SFMBT2: variants seen among roughly 807,000 people sequenced by gnomAD.
SFMBT2 encodes scm-like with four MBT domains protein 2.
In SFMBT2, 38 loss-of-function variants were observed where a neutral mutation model predicts 110.1. The ratio of observed to expected loss-of-function variants is 0.35; its 90% CI spans 0.27 to 0.45. The LOEUF is 0.45. SFMBT2 is among the 20% of genes least tolerant of loss of function. The pLI, the probability that SFMBT2 is intolerant of heterozygous loss-of-function variation, is 1.00. For missense variants in SFMBT2, 1,011 were observed against 1,094.9 expected (o/e 0.92, Z 1.08); for synonymous variants, 425 against 425.4 (o/e 1.00, Z 0.01).
intron 4 of SFMBT2, among the ~76,000 whole-genome samples, chr10:7,326,357 C>A (rs756906661): frequency 6.6e-6 from 1 of 152,174 alleles, no homozygotes; most frequent in Non-Finnish European, 1.5e-5. Context: ...CTCTTCCAGG[C>A]GCTGAGGGAC....
intron 17 of SFMBT2, among the ~76,000 whole-genome samples, chr10:7,175,065 G>A (rs1327893356): frequency 6.6e-6 from 1 of 152,246 alleles, no homozygotes; most frequent in Non-Finnish European, 1.5e-5. Flanking sequence ...CACCCATGTT[G>A]ACAAACGTCA....
intron 3 of SFMBT2, chr10:7,368,470 G>A (rs570683726): frequency 9.7e-5 from 43 of 442,630 alleles, no homozygotes; most frequent in African/African-American, 8.1e-4. Flanking sequence ...AGTGGCCACT[G>A]CTGAAAGGAG....
chr10:7,358,645 C>T (rs1421460107), intron 4 of SFMBT2, among the ~76,000 whole-genome samples: 7 of 145,522 alleles, frequency 4.8e-5, no homozygotes. Context: ...TCAGCATGGC[C>T]CTGGGACATC....
chr10:7,190,428 A>C (rs1380363811), intron 15 of SFMBT2, among the ~76,000 whole-genome samples: 1 of 152,234 alleles, frequency 6.6e-6, no homozygotes, highest in African/African-American at 2.4e-5. Flanking sequence ...GTGACTGCGA[A>C]AAGAAAATGC....
chr10:7,370,300 G>T lies in SFMBT2; in HGVS notation c.176C>A (p.Pro59His). 1.2e-6 allele frequency: 2 copies of T among 1,613,982 alleles called. No homozygotes were observed. The highest frequency in any genetic ancestry group is 1.7e-6 in the Non-Finnish European group (2 of 1,179,882). ...ACATACGTGTTTGAATGATGTGTGG[G>T]GAGCAGCACTTGCTCCTGTCTCTTC... ...YLEETGASAA[P>H]HTSFKHVEIS... The change falls in exon 3 of 21, where the codon CCC becomes CAC. Residue 59 changes from proline to histidine, a missense_variant. Around this residue, in one of 2 missense-constraint regions of SFMBT2, gnomAD observed 979 missense variants for 1,016.1 expected, o/e 0.96. Coordinates refer to ENST00000397167, the MANE Select transcript of SFMBT2 (RefSeq NM_001387889.1).
intron 15 of SFMBT2, among the ~76,000 whole-genome samples, chr10:7,196,441 G>T (rs546438728): frequency 1.3e-5 from 2 of 152,276 alleles, no homozygotes; most frequent in East Asian, 3.9e-4. Context: ...CTCTGCCTAA[G>T]CCAGATGAAA....
At chr10:7,205,375 G>A in intron 12 of SFMBT2, 1 of 980,830 alleles carries the variant, frequency 1.0e-6, no homozygotes, top group Non-Finnish European at 1.2e-6. Flanking sequence ...ATAGGAATGA[G>A]GCACTGTGCC....
At chr10:7,182,486 G>T (rs1838272274) in intron 16 of SFMBT2, among the ~76,000 whole-genome samples, 1 of 152,088 alleles carries the variant, frequency 6.6e-6, no homozygotes, top group Admixed American at 6.6e-5. Context: ...AACAATGATA[G>T]ACTGGATTAA....
intron 9 of SFMBT2, among the ~76,000 whole-genome samples, chr10:7,229,456 G>A (rs1488515130): frequency 1.3e-5 from 2 of 151,736 alleles, no homozygotes; most frequent in Non-Finnish European, 2.9e-5. Context: ...GTGGGTGCTT[G>A]TAATCCCAGC....
At chr10:7,273,245 A>G (rs1382540098) in intron 7 of SFMBT2, among the ~76,000 whole-genome samples, 1 of 152,250 alleles carries the variant, frequency 6.6e-6, no homozygotes, top group Non-Finnish European at 1.5e-5. Flanking sequence ...TTTGCAACCT[A>G]CGGACACAAT....
intron 4 of SFMBT2, among the ~76,000 whole-genome samples, chr10:7,336,344 T>C (rs1318566058): frequency 6.6e-6 from 1 of 152,182 alleles, no homozygotes; most frequent in Non-Finnish European, 1.5e-5. Context: ...CTGGCTTGCC[T>C]AAGAAAATCA....
intron 2 of SFMBT2, among the ~76,000 whole-genome samples, chr10:7,375,019 A>G (rs1289001911): frequency 1.3e-5 from 2 of 152,220 alleles, no homozygotes; most frequent in Non-Finnish European, 2.9e-5. Flanking sequence ...TTTATCAAGG[A>G]AATTCTGACA....
chr10:7,200,912 G>T, intron 13 of SFMBT2: 1 of 742,956 alleles, frequency 1.3e-6, no homozygotes, highest in Non-Finnish European at 1.6e-6. Flanking sequence ...TCTGACCTCC[G>T]GGCCCGCGGG....
At position 7,354,099 on chromosome 10, in the gene SFMBT2, A is replaced by AAAAAT. The variant is rs1441630139; in HGVS notation, c.436+13549_436+13550insATTTT. ...GAGACTCCCTCTCCAAAAAAAAAAAAATATAAATAAAACAAAAAAATAAAT... is the reference window on the plus strand; with the variant it reads ...GAGACTCCCTCTCCAAAAAAAAAAAAAAAATATATAAATAAAACAAAAAAATAAAT... On this transcript the variant is annotated intron_variant, in intron 4 of 20. Coordinates refer to ENST00000397167, the MANE Select transcript of SFMBT2 (RefSeq NM_001387889.1). 2.2e-4 allele frequency among the ~76,000 whole-genome samples: 33 copies of AAAAAT among 151,336 alleles called. 1 individual carries two copies. The highest frequency in any genetic ancestry group is 7.8e-4 in the African/African-American group (32 of 41,242).
At chr10:7,395,861 G>A (rs969191116) in intron 1 of SFMBT2, among the ~76,000 whole-genome samples, 1 of 151,798 alleles carries the variant, frequency 6.6e-6, no homozygotes, top group African/African-American at 2.4e-5. Flanking sequence ...GTTAGTTCTG[G>A]TGTCTACTTT....
rs1027213427 is a variant in SFMBT2 at position 7,319,042 on chromosome 10, G to A, written c.437-33088C>T. ...CTGGAGCAGGGCCACACGAGGGATC[G>A]CAGAAGACAAAGTCAGAGACACGGA... On this transcript the variant is annotated intron_variant, in intron 4 of 20. Coordinates refer to ENST00000397167, the MANE Select transcript of SFMBT2 (RefSeq NM_001387889.1). 8.5e-5 allele frequency among the ~76,000 whole-genome samples: 13 copies of A among 152,196 alleles called. No individual in the cohort carries two copies. The East Asian group carries it at 1.5e-3, about 18-fold the overall frequency.
chr10:7,303,470 A>G (rs924626451), intron 4 of SFMBT2, among the ~76,000 whole-genome samples: 3 of 152,176 alleles, frequency 2.0e-5, no homozygotes, highest in Admixed American at 6.5e-5. Context: ...CCACGGAAAG[A>G]TGGGGTAATC....
intron 15 of SFMBT2, among the ~76,000 whole-genome samples, chr10:7,196,189 A>G (rs539690211): frequency 6.6e-6 from 1 of 152,292 alleles, no homozygotes; most frequent in East Asian, 1.9e-4. Flanking sequence ...CACTTAAAAT[A>G]TCAGAGAAGG....
At chr10:7,305,878 A>G (rs1411651504) in intron 4 of SFMBT2, among the ~76,000 whole-genome samples, 2 of 152,382 alleles carry the variant, frequency 1.3e-5, no homozygotes, top group South Asian at 2.1e-4. Flanking sequence ...CACAGCAGGA[A>G]CAGTGTGGGG....
Sources: gnomAD v4.1 joint callset for allele counts (sites outside exome capture counted in the v4.1 genomes callset) on GRCh38, gnomAD v4.1.1 for gene constraint, gnomAD v4.1.1 regional missense constraint, MANE v1.5 for transcripts, NCBI Gene and HGNC (gene_info 2026-07-23, HGNC 2026-07-21) for gene names.